The following KY variants were observed in gnomAD, a reference collection of about 807,000 sequenced individuals.
KY encodes kyphoscoliosis peptidase.
KY carries 43 observed loss-of-function variants against 76.1 expected under a neutral mutation model. That is an observed-to-expected ratio of 0.57 (90% CI 0.44 to 0.73). The LOEUF (loss-of-function observed/expected upper bound fraction) is 0.73, where lower values mean the gene tolerates loss of function less well. KY is among the 30% of genes least tolerant of loss of function. The probability of loss-of-function intolerance (pLI) is 0.00; values close to 1 mark genes in which losing one functional copy is unlikely to be tolerated. For missense variants in KY, 722 were observed against 828.9 expected, an observed-to-expected ratio of 0.87 and a Z score of 1.58; for synonymous variants, 277 against 326.2, an observed-to-expected ratio of 0.85 and a Z score of 1.63.
chr3:134,619,196 T>C lies in KY; in HGVS notation c.662A>G (p.Gln221Arg), dbSNP rs1962134838. 1 of 1,613,982 alleles carries C rather than the reference T, an allele frequency of 6.2e-7. No individual in the cohort carries two copies. The highest frequency in any genetic ancestry group is 1.3e-5 in the African/African-American group (1 of 75,042). ...AFKPTDILRTQKTNCDGYAGL... is the reference protein window; with the variant it reads ...AFKPTDILRTRKTNCDGYAGL... The stretch of plus-strand genomic sequence containing the variant: ...AGCATAGCCATCACAGTTGGTCTTC[T>C]GGGTCCGCAGGATGTCAGTGGGTTT... The change falls in exon 8 of 11, where the codon CAG becomes CGG. Residue 221 changes from glutamine (Q) to arginine (R), a missense_variant. By Grantham distance (43) the Gln-to-Arg change is conservative. This residue lies in a region of KY where 552 missense variants were observed against 680.9 expected (regional missense o/e 0.81). Transcript: ENST00000423778.
At chr3:134,639,602 G>A (rs1965454238) in intron 3 of KY, among the ~76,000 whole-genome samples, 1 of 152,090 alleles carries the variant, frequency 6.6e-6, no homozygotes, top group Non-Finnish European at 1.5e-5. Context: ...TGGGGATAAG[G>A]GCTGATGACC....
At chr3:134,643,207 A>T in intron 3 of KY, 109 bp downstream of exon 3, 1 of 976,574 alleles carries the variant, frequency 1.0e-6, no homozygotes, top group Non-Finnish European at 1.6e-6. Context: ...AGCAGAGAGG[A>T]CCCTGCTCCC....
rs1965976148 is a variant in KY, at chr3:134,643,177, G to C, written c.262+139C>G. ...CCATGAGACGCAGGGAGAGGAAAAG[G>C]GTTTTCCAACACCCATGGGAGCAGA... On this transcript the variant is annotated intron_variant, in intron 3 of 10. Transcript: ENST00000423778. The C allele has an allele frequency of 1.2e-5, 8 of 692,106 alleles. No individual in the cohort carries two copies. The East Asian group carries it at 2.2e-4, about 19-fold the overall frequency. The allele number at this position is 692,106 out of a possible 1,614,324, so 42.9% of individuals were successfully genotyped here. A position where few individuals can be genotyped will look rare whatever the true frequency, so the allele number is the denominator to read the frequency against.
intron 3 of KY, among the ~76,000 whole-genome samples, chr3:134,637,485 G>A (rs1400654469): frequency 1.3e-5 from 2 of 152,226 alleles, no homozygotes; most frequent in Non-Finnish European, 1.5e-5. Flanking sequence ...GAGTAGTCCT[G>A]TAGTAAAGAA....
chr3:134,604,992 G>A (rs1224626967), intron 10 of KY, among the ~76,000 whole-genome samples: 2 of 152,098 alleles, frequency 1.3e-5, no homozygotes, highest in Non-Finnish European at 2.9e-5. Flanking sequence ...GGTTGGGGTG[G>A]GGCAGTTCCC....
chr3:134,643,187 C>A lies in KY; in HGVS notation c.262+129G>T, dbSNP rs1965977212. On this transcript the variant is annotated intron_variant, in intron 3 of 10. Transcript: ENST00000423778. Reference sequence around the variant, plus strand: ...CAGGGAGAGGAAAAGGGTTTTCCAACACCCATGGGAGCAGAGAGGACCCTG... The same window carrying A: ...CAGGGAGAGGAAAAGGGTTTTCCAAAACCCATGGGAGCAGAGAGGACCCTG... 6.5e-6 allele frequency: 5 copies of A among 766,226 alleles called. No individual in the cohort carries two copies. In the Admixed American group the frequency reaches 8.4e-5, roughly 13 times the overall value. The allele number at this position is 766,226 out of a possible 1,614,324, so 47.5% of individuals were successfully genotyped here.
chr3:134,619,310 G>T, intron 7 of KY, 45 bp from the exon 8 acceptor site: 1 of 1,442,564 alleles, frequency 6.9e-7, no homozygotes, highest in Non-Finnish European at 9.8e-7. Flanking sequence ...AGCCTGGGAG[G>T]CGAGAAGACT....
intron 3 of KY, among the ~76,000 whole-genome samples, chr3:134,635,954 A>G (rs1335021597): frequency 2.0e-5 from 3 of 152,202 alleles, no homozygotes; most frequent in Admixed American, 6.5e-5. Flanking sequence ...GAGCATAGCC[A>G]TATGTTATCA....
intron 9 of KY, among the ~76,000 whole-genome samples, chr3:134,609,137 G>T (rs115585892): frequency 2.6e-5 from 4 of 152,226 alleles, no homozygotes; most frequent in East Asian, 1.9e-4. Flanking sequence ...AAGTTCAAAG[G>T]GGGGAAAGGC....
intron 3 of KY, among the ~76,000 whole-genome samples, chr3:134,634,321 A>C (rs1179068797): frequency 6.6e-6 from 1 of 152,230 alleles, no homozygotes; most frequent in Non-Finnish European, 1.5e-5. Context: ...AAAAGATGGG[A>C]GGACTCCCAC....
chr3:134,624,467 C>G (rs1231198440), intron 6 of KY, among the ~76,000 whole-genome samples: 2 of 152,254 alleles, frequency 1.3e-5, no homozygotes, highest in Non-Finnish European at 2.9e-5. Flanking sequence ...GTGTTCAACA[C>G]CTTGTTCCTC....
chr3:134,626,977 G>A (rs1963542195), intron 5 of KY, among the ~76,000 whole-genome samples: 1 of 152,124 alleles, frequency 6.6e-6, no homozygotes, highest in Non-Finnish European at 1.5e-5. Flanking sequence ...CTCACACATC[G>A]AACAGATTTC....
Position 134,610,311 on chromosome 3 carries a change from G to C in KY, c.783C>G (p.Phe261Leu). 1 of 1,613,886 alleles carries C rather than the reference G, an allele frequency of 6.2e-7. No homozygotes were observed. The highest frequency in any genetic ancestry group is 8.5e-7 in the Non-Finnish European group (1 of 1,179,882). ...TCCAGGCATGGTCAAACTCCCCCGAGAAGCTCTGCCCTGTCTGGTAGCCGA... is the reference window on the plus strand; with the variant it reads ...TCCAGGCATGGTCAAACTCCCCCGACAAGCTCTGCCCTGTCTGGTAGCCGA... The part of the protein sequence containing the change: ...KGFGYQTGQS[F>L]SGEFDHAWNA... Residue 261 changes from phenylalanine (F) to leucine (L), a missense_variant, in exon 9 of 11, where the codon TTC becomes TTG. Around this residue, in one of 2 missense-constraint regions of KY, gnomAD observed 552 missense variants for 680.9 expected, o/e 0.81. Coordinates refer to ENST00000423778, the MANE Select transcript of KY (RefSeq NM_178554.6).
rs571652553 is a variant in KY, at chr3:134,620,813, G to C, written c.528C>G (p.Leu176=). The C allele has an allele frequency of 1.9e-6, 3 of 1,613,482 alleles. No homozygotes were observed. Among genetic ancestry groups the C allele is most frequent in the Admixed American group, 3.3e-5 (2 of 59,982 alleles). Residue 176 remains leucine (L), a synonymous_variant, in exon 7 of 11, where the codon CTC becomes CTG. Coordinates refer to ENST00000423778, the MANE Select transcript of KY (RefSeq NM_178554.6). ...TTTCCAGGTCAGTGTGGGCCTCCTG[G>C]AGCAGGTCACTCACCAGTTCGTCTA... ...SGLDELVSDL[L]QEAHTDLERV... is the part of the protein sequence containing the mutation.
Position 134,601,439 on chromosome 3 carries a change from C to A in KY, c.*2140G>T, listed in dbSNP as rs1958959100. Among the ~76,000 whole-genome samples, 1 of 152,190 alleles carries A rather than the reference C, an allele frequency of 6.6e-6. No individual in the cohort carries two copies. The highest frequency in any genetic ancestry group is 1.5e-5 in the Non-Finnish European group (1 of 68,036). On this transcript the variant is annotated 3_prime_UTR_variant, in exon 11 of 11. Transcript: ENST00000423778. ...CAGCAGGACTAAGCGAGGCAGCCAG[C>A]GCGGGGTCCAGTGAGTGACATGCGT...
At chr3:134,607,558 G>A (rs900176475) in intron 10 of KY, 4 of 985,462 alleles carry the variant, frequency 4.1e-6, no homozygotes, top group Non-Finnish European at 4.8e-6. Flanking sequence ...CGACTTACAG[G>A]GCTGTGCAGC....
intron 1 of KY, among the ~76,000 whole-genome samples, chr3:134,649,561 C>A (rs1005853884): frequency 6.6e-6 from 1 of 152,200 alleles, no homozygotes; most frequent in Non-Finnish European, 1.5e-5. Context: ...CCTGGGCAGG[C>A]CATTTCCCCT....
Position 134,600,416 on chromosome 3 carries a change from AT to A in KY, c.*3162del, listed in dbSNP as rs1478122112. On this transcript the variant is annotated 3_prime_UTR_variant, in exon 11 of 11. Coordinates refer to ENST00000423778, the MANE Select transcript of KY (RefSeq NM_178554.6). ...CCTTCATGCTTCAGTTAGTCTATTT[AT>A]TTACTTTTAATCTTAGCAGGCAGTG... is the stretch of plus-strand genomic sequence containing the variant. Among the ~76,000 whole-genome samples the A allele has an allele frequency of 1.3e-5, 2 of 152,132 alleles. No individual in the cohort carries two copies. Among genetic ancestry groups the A allele is most frequent in the African/African-American group, 4.8e-5 (2 of 41,434 alleles).
intron 8 of KY, among the ~76,000 whole-genome samples, chr3:134,618,222 G>C (rs913251808): frequency 6.6e-6 from 1 of 152,148 alleles, no homozygotes; most frequent in Non-Finnish European, 1.5e-5. Flanking sequence ...TTTGGGCCAG[G>C]AATAGGTTGC....
Sources: allele counts gnomAD v4.1 joint callset (sites outside exome capture counted in the v4.1 genomes callset), GRCh38; gene constraint gnomAD v4.1.1; regional missense constraint gnomAD v4.1.1; transcripts MANE v1.5; gene names NCBI Gene and HGNC (gene_info 2026-07-23, HGNC 2026-07-21).